The following ZNF354A variants were observed in gnomAD, a reference collection of about 807,000 sequenced individuals.
ZNF354A encodes the protein epididymis luminal protein 104.
A neutral mutation model predicts 53.3 loss-of-function variants in ZNF354A; 25 were observed. The observed-to-expected ratio is 0.47, with a 90% CI of 0.34 to 0.66. ZNF354A has a LOEUF of 0.66. ZNF354A is among the 30% of genes least tolerant of loss of function. The pLI, the probability that ZNF354A is intolerant of heterozygous loss-of-function variation, is 0.01. For missense variants in ZNF354A, 586 were observed against 716.8 expected (o/e 0.82, Z 2.08); for synonymous variants, 228 against 249.0 (o/e 0.92, Z 0.79).
chr5:178,724,643 T>C (rs1395190872), intron 4 of ZNF354A, among the ~76,000 whole-genome samples: 1 of 152,224 alleles, frequency 6.6e-6, no homozygotes, highest in Non-Finnish European at 1.5e-5. Flanking sequence ...ATGTAAGTAA[T>C]GCCCCCTTCC....
chr5:178,727,757 C>T (rs145202658), intron 2 of ZNF354A, among the ~76,000 whole-genome samples: 18 of 152,268 alleles, frequency 1.2e-4, no homozygotes, highest in African/African-American at 4.3e-4. Flanking sequence ...TTATTGTTGC[C>T]ACTTTACACA....
intron 4 of ZNF354A, among the ~76,000 whole-genome samples, chr5:178,723,693 CTAGA>C (rs1161649986): frequency 1.4e-4 from 21 of 152,116 alleles, no homozygotes; most frequent in Admixed American, 3.9e-4. Flanking sequence ...TTGTCCCCCA[CTAGA>C]TCGTGCACTC....
chr5:178,716,332 T>C (rs1765715645), intron 4 of ZNF354A, among the ~76,000 whole-genome samples: 1 of 152,240 alleles, frequency 6.6e-6, no homozygotes, highest in Non-Finnish European at 1.5e-5. Flanking sequence ...AATAGAGTAC[T>C]ATCTGATCTG....
chr5:178,728,315 C>T (rs193146325), intron 2 of ZNF354A, among the ~76,000 whole-genome samples: 9 of 152,210 alleles, frequency 5.9e-5, no homozygotes, highest in South Asian at 4.1e-4. Flanking sequence ...AGATGGATAG[C>T]GATGATGGCT....
chr5:178,716,376 T>G (rs975154862), intron 4 of ZNF354A, among the ~76,000 whole-genome samples: 1 of 152,186 alleles, frequency 6.6e-6, no homozygotes, highest in Non-Finnish European at 1.5e-5. Context: ...CCCTCTTCCC[T>G]GGCTTCTTGC....
In ZNF354A at chr5:178,713,365, C is replaced by A. The variant is rs1293929367; in HGVS notation, c.513G>T (p.Lys171Asn). 6.2e-7 allele frequency: 1 copy of A among 1,613,984 alleles called. No homozygotes were observed. Among genetic ancestry groups the A allele is most frequent in the African/African-American group, 1.3e-5 (1 of 74,924 alleles). The part of the protein sequence containing the change: ...NTELSQNFSP[K>N]SVLIRQQILP... Reference sequence around the variant, plus strand: ...GTATCTGTTGCCTAATAAGCACTGACTTTGGGCTGAAGTTTTGGCTCAATT... The same window carrying A: ...GTATCTGTTGCCTAATAAGCACTGAATTTGGGCTGAAGTTTTGGCTCAATT... The change falls in exon 5 of 5, where the codon AAG becomes AAT. Residue 171 changes from lysine to asparagine, a missense_variant. Lys to Asn is a moderately conservative substitution (Grantham distance 94). Coordinates refer to ENST00000335815, the MANE Select transcript of ZNF354A (RefSeq NM_005649.3).
At chr5:178,727,788 C>A (rs1248486657) in intron 2 of ZNF354A, among the ~76,000 whole-genome samples, 1 of 152,078 alleles carries the variant, frequency 6.6e-6, no homozygotes, top group Non-Finnish European at 1.5e-5. Context: ...AAGTCACAGA[C>A]AAGATAAGAA....
intron 4 of ZNF354A, 51 bp from the exon 5 acceptor site, chr5:178,713,672 G>A (rs776931100): frequency 2.0e-6 from 3 of 1,491,614 alleles, no homozygotes; most frequent in East Asian, 4.6e-5. Context: ...CATAGCATCT[G>A]ACTACTGAGA....
rs1477405243 is a variant in ZNF354A at position 178,712,848 on chromosome 5, A to G, written c.1030T>C (p.Cys344Arg). The G allele has an allele frequency of 6.2e-7, 1 of 1,614,044 alleles. No homozygotes were observed. The highest frequency in any genetic ancestry group is 1.3e-5 in the African/African-American group (1 of 74,934). ...ASSCSTSLSGCQRIHSRKKSY... is the reference protein window; with the variant it reads ...ASSCSTSLSGRQRIHSRKKSY... Reference sequence around the variant, plus strand: ...TTCTTTCTAGAATGAATTCTTTGACATCCAGAAAGGGATGTGCTGCAACTA... The same window carrying G: ...TTCTTTCTAGAATGAATTCTTTGACGTCCAGAAAGGGATGTGCTGCAACTA... Residue 344 changes from cysteine to arginine, a missense_variant, in exon 5 of 5, where the codon TGT becomes CGT. Around this residue, in one of 2 missense-constraint regions of ZNF354A, gnomAD observed 573 missense variants for 680.1 expected, o/e 0.84. Transcript: ENST00000335815.
chr5:178,713,529 G>A lies in ZNF354A; in HGVS notation c.349C>T (p.Pro117Ser), dbSNP rs372551210. ...GGCTTTTCTAATTTCAAATCCCAAG[G>A]TACATTCCTGTTGGATCTTTTCAGT... is the stretch of plus-strand genomic sequence containing the variant. ...LILKRSNRNVPWDLKLEKPYI... is the reference protein window; with the variant it reads ...LILKRSNRNVSWDLKLEKPYI... The change falls in exon 5 of 5, where the codon CCT becomes TCT. Residue 117 changes from proline (P) to serine (S), a missense_variant. By Grantham distance (74) the Pro-to-Ser change is moderately conservative. Around this residue, in one of 2 missense-constraint regions of ZNF354A, gnomAD observed 573 missense variants for 680.1 expected, o/e 0.84. Coordinates refer to ENST00000335815, the MANE Select transcript of ZNF354A (RefSeq NM_005649.3). 3.1e-6 allele frequency: 5 copies of A among 1,612,376 alleles called. No individual in the cohort carries two copies. In the African/African-American group the frequency reaches 6.7e-5, roughly 22 times the overall value.
In ZNF354A at chr5:178,713,122, G is replaced by T; in HGVS notation, c.756C>A (p.Ser252Arg). The T allele has an allele frequency of 6.2e-7, 1 of 1,613,914 alleles. No individual in the cohort carries two copies. The highest frequency in any genetic ancestry group is 8.5e-7 in the Non-Finnish European group (1 of 1,179,874). ...GATGTTGAATAAGAGCTGAACTTTG[G>T]CTAAAGGCTTTTGAACATTCTTTAC... ...FKCKECSKAF[S>R]QSSALIQHQI... The change falls in exon 5 of 5, where the codon AGC becomes AGA. Residue 252 changes from serine (S) to arginine (R), a missense_variant. Around this residue, in one of 2 missense-constraint regions of ZNF354A, gnomAD observed 573 missense variants for 680.1 expected, o/e 0.84. Coordinates refer to ENST00000335815, the MANE Select transcript of ZNF354A (RefSeq NM_005649.3).
intron 4 of ZNF354A, among the ~76,000 whole-genome samples, chr5:178,718,635 T>C (rs1256987315): frequency 6.6e-6 from 1 of 152,244 alleles, no homozygotes; most frequent in Non-Finnish European, 1.5e-5. Context: ...TTATATGTTT[T>C]CCAGTTCAAA....
chr5:178,726,183 C>T (rs1030768848), intron 3 of ZNF354A: 9 of 455,552 alleles, frequency 2.0e-5, no homozygotes, highest in South Asian at 4.6e-5. Flanking sequence ...CAGCAAACTA[C>T]GGGTCATGGG....
At chr5:178,721,264 T>C (rs1485239384) in intron 4 of ZNF354A, among the ~76,000 whole-genome samples, 1 of 152,202 alleles carries the variant, frequency 6.6e-6, no homozygotes, top group African/African-American at 2.4e-5. Context: ...TACACAAATC[T>C]AGATGGTATA....
At position 178,727,125 on chromosome 5, in the gene ZNF354A, C is replaced by T. The variant is rs767125461; in HGVS notation, c.34G>A (p.Val12Met). ...GCCACATCCTCAAACGTCAGTGACACCTGTAAGGACAAGTCGTTCCAGCTC... is the reference window on the plus strand; with the variant it reads ...GCCACATCCTCAAACGTCAGTGACATCTGTAAGGACAAGTCGTTCCAGCTC... Reference protein sequence around the residue: ...AAGQREARPQVSLTFEDVAVL... With the variant: ...AAGQREARPQMSLTFEDVAVL... The change falls in exon 3 of 5, where the codon GTG becomes ATG. Residue 12 changes from valine to methionine, a missense_variant and splice_region_variant. Physicochemically the swap from Val to Met is conservative, Grantham distance 21. Coordinates refer to ENST00000335815, the MANE Select transcript of ZNF354A (RefSeq NM_005649.3). The T allele has an allele frequency of 4.3e-5, 70 of 1,612,310 alleles. 2 individuals carry two copies. In the South Asian group the frequency reaches 5.5e-4, roughly 13 times the overall value.
At chr5:178,726,264 T>TGTTACGGAGACC (rs1416378304) in intron 3 of ZNF354A, 24 of 455,340 alleles carry the variant, frequency 5.3e-5, no homozygotes, top group Middle Eastern at 3.2e-4. Flanking sequence ...AAGAGAAATA[T>TGTTACGGAGACC]GTTACGGAGA....
chr5:178,714,637 T>G (rs1420393199), intron 4 of ZNF354A, among the ~76,000 whole-genome samples: 2 of 152,246 alleles, frequency 1.3e-5, no homozygotes, highest in African/African-American at 4.8e-5. Flanking sequence ...ATACAAAAGT[T>G]GTATGTTTTG....
chr5:178,729,760 T>C (rs1444139987), intron 1 of ZNF354A, among the ~76,000 whole-genome samples: 1 of 151,740 alleles, frequency 6.6e-6, no homozygotes, highest in Non-Finnish European at 1.5e-5. Context: ...TTGCCCAGGC[T>C]GGTCTCGAAC....
intron 3 of ZNF354A, among the ~76,000 whole-genome samples, chr5:178,725,825 T>G (rs1344373366): frequency 2.0e-5 from 3 of 152,172 alleles, no homozygotes; most frequent in Non-Finnish European, 4.4e-5. Context: ...AGGTAGCTTG[T>G]CTAAAACGAG....
Sources: gnomAD v4.1 joint callset for allele counts (sites outside exome capture counted in the v4.1 genomes callset) on GRCh38, gnomAD v4.1.1 for gene constraint, gnomAD v4.1.1 regional missense constraint, MANE v1.5 for transcripts, NCBI Gene and HGNC (gene_info 2026-07-23, HGNC 2026-07-21) for gene names.